Variants in PLEKHG1 observed in about 807,000 individuals in gnomAD.
PLEKHG1 encodes the protein pleckstrin homology domain-containing family G member 1.
In PLEKHG1, 44 loss-of-function variants were observed where a neutral mutation model predicts 100.8. The ratio of observed to expected loss-of-function variants is 0.44; its 90% CI spans 0.34 to 0.56. The LOEUF (loss-of-function observed/expected upper bound fraction) is 0.56, where lower values mean the gene tolerates loss of function less well. PLEKHG1 is among the 20% of genes least tolerant of loss of function. The pLI is 0.01. For synonymous variants in PLEKHG1, 640 were observed against 662.5 expected, an observed-to-expected ratio of 0.97 and a Z score of 0.52; for missense variants, 1,545 against 1,720.9, an observed-to-expected ratio of 0.90 and a Z score of 1.81.
chr6:150,690,214 A>G (rs1215172158), intron 3 of PLEKHG1, among the ~76,000 whole-genome samples: 2 of 152,064 alleles, frequency 1.3e-5, no homozygotes, highest in African/African-American at 4.8e-5. Flanking sequence ...GATTTTTTTA[A>G]ATTTTATTTT....
intron 3 of PLEKHG1, among the ~76,000 whole-genome samples, chr6:150,668,456 T>C (rs1779482123): frequency 6.6e-6 from 1 of 152,228 alleles, no homozygotes; most frequent in Admixed American, 6.5e-5. Context: ...TACAATAAAA[T>C]TTAATGGTCC....
chr6:150,710,721 G>A (rs749149296), intron 3 of PLEKHG1, among the ~76,000 whole-genome samples: 4 of 152,110 alleles, frequency 2.6e-5, no homozygotes, highest in African/African-American at 7.2e-5. Context: ...TGTTCTCTGC[G>A]GATATAATGC....
intron 3 of PLEKHG1, among the ~76,000 whole-genome samples, chr6:150,700,344 A>G (rs1167224858): frequency 6.6e-6 from 1 of 152,120 alleles, no homozygotes; most frequent in Admixed American, 6.5e-5. Flanking sequence ...AACATCAACC[A>G]TCTGCGAACT....
intron 2 of PLEKHG1, among the ~76,000 whole-genome samples, chr6:150,649,997 G>T (rs1393794115): frequency 6.6e-6 from 1 of 150,904 alleles, no homozygotes; most frequent in Non-Finnish European, 1.5e-5. Flanking sequence ...GGGCGACAGA[G>T]CGGGACTCCG....
intron 3 of PLEKHG1, among the ~76,000 whole-genome samples, chr6:150,693,145 G>A (rs1407277094): frequency 3.3e-5 from 5 of 152,168 alleles, no homozygotes; most frequent in East Asian, 1.9e-4. Flanking sequence ...AAAATTAGCC[G>A]GGTGTGGTGG....
In PLEKHG1 at chr6:150,832,224, TCTTC is replaced by T; in HGVS notation, c.3094+24_3094+27del. 2 of 1,538,588 alleles carry T rather than the reference TCTTC, an allele frequency of 1.3e-6. No homozygotes were observed. Among genetic ancestry groups the T allele is most frequent in the Non-Finnish European group, 8.7e-7 (1 of 1,149,326 alleles). ...GCCATTGGTATGTGCACCCTGCCCT[TCTTC>T]CTTCTCCAAAGTAAGAGGGGAGAGC... On this transcript the variant is annotated intron_variant, in intron 15 of 15. Transcript: ENST00000358517.
At chr6:150,679,643 C>A (rs1779868686) in intron 3 of PLEKHG1, among the ~76,000 whole-genome samples, 1 of 152,206 alleles carries the variant, frequency 6.6e-6, no homozygotes, top group Admixed American at 6.5e-5. Context: ...AGTCATTCAG[C>A]AAGCATTCGT....
chr6:150,789,907 T>C (rs1400599308), intron 4 of PLEKHG1, among the ~76,000 whole-genome samples: 1 of 151,926 alleles, frequency 6.6e-6, no homozygotes, highest in Non-Finnish European at 1.5e-5. Flanking sequence ...CCAGGTGGAG[T>C]CTATAGCAGT....
At chr6:150,839,592 A>G (rs1369409813) in intron 15 of PLEKHG1, among the ~76,000 whole-genome samples, 2 of 152,232 alleles carry the variant, frequency 1.3e-5, no homozygotes, top group Non-Finnish European at 2.9e-5. Flanking sequence ...TTGAAACAAA[A>G]TAATGGACAA....
intron 2 of PLEKHG1, among the ~76,000 whole-genome samples, chr6:150,740,472 G>T (rs1026293031): frequency 6.6e-6 from 1 of 152,158 alleles, no homozygotes; most frequent in South Asian, 2.1e-4. Flanking sequence ...AGATTTTATT[G>T]TCTTTTTACT....
intron 2 of PLEKHG1, among the ~76,000 whole-genome samples, chr6:150,640,955 A>G (rs1778229712): frequency 6.6e-6 from 1 of 152,110 alleles, no homozygotes. Context: ...CAGGAGTACT[A>G]TATGTCAGTT....
intron 3 of PLEKHG1, among the ~76,000 whole-genome samples, chr6:150,677,508 A>G (rs903449742): frequency 2.6e-5 from 4 of 152,098 alleles, no homozygotes; most frequent in African/African-American, 7.2e-5. Flanking sequence ...CATCCCTTCT[A>G]GGGACATCTT....
intron 2 of PLEKHG1, among the ~76,000 whole-genome samples, chr6:150,645,502 A>T (rs1039837371): frequency 6.6e-6 from 1 of 152,214 alleles, no homozygotes; most frequent in Non-Finnish European, 1.5e-5. Context: ...CATAATCCAT[A>T]ACAGACCTAT....
At chr6:150,631,490 C>G (rs1182864218) in intron 1 of PLEKHG1, among the ~76,000 whole-genome samples, 1 of 152,170 alleles carries the variant, frequency 6.6e-6, no homozygotes, top group African/African-American at 2.4e-5. Flanking sequence ...CACCTTACAC[C>G]TAGTGGAGTC....
chr6:150,733,584 A>G lies in PLEKHG1; in HGVS notation c.-98A>G, dbSNP rs1298275576. 9 of 1,608,196 alleles carry G rather than the reference A, an allele frequency of 5.6e-6. No individual in the cohort carries two copies. The highest frequency in any genetic ancestry group is 1.1e-5 in the South Asian group (1 of 90,062). On this transcript the variant is annotated splice_region_variant and 5_prime_UTR_variant, in exon 2 of 16. It removes an upstream start codon present in the reference 5' UTR. Transcript: ENST00000358517. Reference sequence around the variant, plus strand: ...TTTTTATTTTCTTTAATGCATATAGATGGGCACCAGTTGCGTCTTGAAGTG... The same window carrying G: ...TTTTTATTTTCTTTAATGCATATAGGTGGGCACCAGTTGCGTCTTGAAGTG...
chr6:150,675,013 C>G (rs1457270087), intron 3 of PLEKHG1, among the ~76,000 whole-genome samples: 4 of 152,082 alleles, frequency 2.6e-5, no homozygotes, highest in Admixed American at 1.3e-4. Context: ...AAGACACACA[C>G]AAATTGCAAA....
At chr6:150,728,995 A>G (rs1229921438) in intron 1 of PLEKHG1, among the ~76,000 whole-genome samples, 3 of 152,244 alleles carry the variant, frequency 2.0e-5, no homozygotes, top group African/African-American at 4.8e-5. Context: ...TACAAAAATT[A>G]TTAATGAGGT....
At chr6:150,633,270 G>A (rs1471007957) in intron 1 of PLEKHG1, 2 of 152,622 alleles carry the variant, frequency 1.3e-5, no homozygotes, top group African/African-American at 4.8e-5. Flanking sequence ...CATGAATGCT[G>A]GAAGTGGGTC....
chr6:150,806,546 C>T (rs1447557907), intron 7 of PLEKHG1, among the ~76,000 whole-genome samples: 7 of 151,584 alleles, frequency 4.6e-5, no homozygotes, highest in South Asian at 2.1e-4. Context: ...ATTAGCTGGG[C>T]GTGGTGGCAC....
Sources: allele counts gnomAD v4.1 joint callset (sites outside exome capture counted in the v4.1 genomes callset), GRCh38; gene constraint gnomAD v4.1.1; transcripts MANE v1.5; gene names NCBI Gene and HGNC (gene_info 2026-07-23, HGNC 2026-07-21).